IGF2BP3: variants seen among roughly 807,000 people sequenced by gnomAD.
IGF2BP3 encodes the protein insulin like growth factor 2 mRNA binding protein 3, also known as insulin-like growth factor 2 mRNA-binding protein 3.
A neutral mutation model predicts 73.8 loss-of-function variants in IGF2BP3; 9 were observed. That is an observed-to-expected ratio of 0.12 (90% CI 0.07 to 0.21). The LOEUF is 0.21. IGF2BP3 is among the 10% of genes least tolerant of loss of function. IGF2BP3 has a pLI of 1.00. For synonymous variants in IGF2BP3, 258 were observed against 256.7 expected, an observed-to-expected ratio of 1.01 and a Z score of -0.05; for missense variants, 542 against 714.0, an observed-to-expected ratio of 0.76 and a Z score of 2.75.
At chr7:23,349,695 G>A (rs1048539043) in intron 6 of IGF2BP3, among the ~76,000 whole-genome samples, 4 of 152,168 alleles carry the variant, frequency 2.6e-5, no homozygotes, top group South Asian at 2.1e-4. Flanking sequence ...CACTGGCAGA[G>A]CTCTGCAAAT....
chr7:23,395,929 A>C (rs886468621), intron 3 of IGF2BP3, among the ~76,000 whole-genome samples: 8 of 152,126 alleles, frequency 5.3e-5, no homozygotes, highest in Non-Finnish European at 1.2e-4. Context: ...CCATCTCAAA[A>C]AAAGAAGAAA....
intron 12 of IGF2BP3, among the ~76,000 whole-genome samples, chr7:23,315,009 G>C (rs1783944740): frequency 6.6e-6 from 1 of 152,120 alleles, no homozygotes; most frequent in South Asian, 2.1e-4. Context: ...CACCATGTTG[G>C]CCAGGCTGGT....
At chr7:23,320,742 G>A (rs956994413) in intron 10 of IGF2BP3, among the ~76,000 whole-genome samples, 6 of 150,866 alleles carry the variant, frequency 4.0e-5, no homozygotes, top group Non-Finnish European at 7.4e-5. Context: ...GAGCCCAGGA[G>A]TTTGAGACCA....
At chr7:23,325,545 C>T (rs1197670480) in intron 10 of IGF2BP3, among the ~76,000 whole-genome samples, 3 of 152,210 alleles carry the variant, frequency 2.0e-5, no homozygotes, top group African/African-American at 4.8e-5. Flanking sequence ...CTACCAATGA[C>T]TTTCTTCACA....
At chr7:23,440,656 C>T (rs1194313280) in intron 2 of IGF2BP3, among the ~76,000 whole-genome samples, 1 of 152,190 alleles carries the variant, frequency 6.6e-6, no homozygotes. Context: ...ATAAGCTATC[C>T]CGACATACTG....
At chr7:23,398,194 A>G (rs1464912984) in intron 3 of IGF2BP3, among the ~76,000 whole-genome samples, 1 of 151,934 alleles carries the variant, frequency 6.6e-6, no homozygotes, top group Admixed American at 6.6e-5. Context: ...TAGTTTGCTG[A>G]GAATGATGGT....
At chr7:23,313,090 C>G (rs1181432457) in intron 13 of IGF2BP3, among the ~76,000 whole-genome samples, 1 of 152,186 alleles carries the variant, frequency 6.6e-6, no homozygotes, top group East Asian at 1.9e-4. Flanking sequence ...GAGTCTGATT[C>G]CAAAGTGTAT....
At chr7:23,459,229 T>C (rs143747143) in intron 2 of IGF2BP3, among the ~76,000 whole-genome samples, 1 of 152,304 alleles carries the variant, frequency 6.6e-6, no homozygotes, top group East Asian at 1.9e-4. Context: ...TCACCCAGTT[T>C]TTGATTAATA....
intron 8 of IGF2BP3, among the ~76,000 whole-genome samples, chr7:23,345,129 C>A (rs1184409107): frequency 6.6e-6 from 1 of 152,186 alleles, no homozygotes; most frequent in Admixed American, 6.5e-5. Flanking sequence ...TGCAGTCTTT[C>A]CCCTACCACT....
At chr7:23,318,944 C>T (rs1456509844) in intron 11 of IGF2BP3, among the ~76,000 whole-genome samples, 194 bp downstream of exon 11, 2 of 152,212 alleles carry the variant, frequency 1.3e-5, no homozygotes, top group African/African-American at 2.4e-5. Context: ...CGGATGTTCA[C>T]CTCCTAACTG....
At chr7:23,405,284 T>C (rs1351427108) in intron 3 of IGF2BP3, among the ~76,000 whole-genome samples, 1 of 152,186 alleles carries the variant, frequency 6.6e-6, no homozygotes, top group Non-Finnish European at 1.5e-5. Context: ...CACACCCACC[T>C]TGTTTCTCCC....
intron 10 of IGF2BP3, among the ~76,000 whole-genome samples, chr7:23,337,147 G>A (rs984695479): frequency 5.3e-5 from 8 of 152,112 alleles, no homozygotes; most frequent in African/African-American, 7.3e-5. Context: ...TATTCCAACT[G>A]AGTACTTGCA....
intron 3 of IGF2BP3, among the ~76,000 whole-genome samples, chr7:23,393,831 G>C (rs1157873897): frequency 6.6e-6 from 1 of 152,150 alleles, no homozygotes; most frequent in Non-Finnish European, 1.5e-5. Flanking sequence ...TAGGATCAGT[G>C]AGAAGAGTCT....
At chr7:23,439,818 G>T (rs944889586) in intron 2 of IGF2BP3, among the ~76,000 whole-genome samples, 3 of 152,124 alleles carry the variant, frequency 2.0e-5, no homozygotes, top group Admixed American at 6.5e-5. Flanking sequence ...AAGCACCAAA[G>T]ATAGAAACAA....
intron 3 of IGF2BP3, among the ~76,000 whole-genome samples, chr7:23,381,861 A>G (rs1343122683): frequency 1.3e-5 from 2 of 152,058 alleles, no homozygotes; most frequent in African/African-American, 2.4e-5. Context: ...GCTTGAGCCA[A>G]TGCACCCGGC....
chr7:23,466,404 T>A lies in IGF2BP3; in HGVS notation c.236+2078A>T, dbSNP rs149600608. 1.5e-3 allele frequency among the ~76,000 whole-genome samples: 232 copies of A among 152,364 alleles called. 1 individual carries two copies. Among genetic ancestry groups the A allele is most frequent in the African/African-American group, 5.5e-3 (227 of 41,578 alleles). On this transcript the variant is annotated intron_variant, in intron 2 of 14. Coordinates refer to ENST00000258729, the MANE Select transcript of IGF2BP3 (RefSeq NM_006547.3). ...GTAAAAACAACCTCCAATGTTCTCA[T>A]CCCTGTTTACTTTGTTAGTAAGATA...
intron 10 of IGF2BP3, among the ~76,000 whole-genome samples, chr7:23,336,843 G>T (rs1468720908): frequency 6.6e-6 from 1 of 152,062 alleles, no homozygotes; most frequent in Admixed American, 6.6e-5. Context: ...AGCTACTCGG[G>T]AGGCTGAGGT....
chr7:23,417,460 G>A (rs1192928714), intron 3 of IGF2BP3, among the ~76,000 whole-genome samples: 1 of 152,124 alleles, frequency 6.6e-6, no homozygotes, highest in Admixed American at 6.6e-5. Context: ...AAGGGAAAAT[G>A]CAATAAACTA....
intron 3 of IGF2BP3, among the ~76,000 whole-genome samples, chr7:23,378,643 G>A (rs540189924): frequency 7.9e-6 from 1 of 127,100 alleles, no homozygotes; most frequent in Non-Finnish European, 1.6e-5. Context: ...GCATGATCTT[G>A]GCTTACTGCC....
Sources: gnomAD v4.1 joint callset for allele counts (sites outside exome capture counted in the v4.1 genomes callset) on GRCh38, gnomAD v4.1.1 for gene constraint, MANE v1.5 for transcripts, NCBI Gene and HGNC (gene_info 2026-07-23, HGNC 2026-07-21) for gene names.